GLYATL2: variants seen among roughly 807,000 people sequenced by gnomAD.
GLYATL2 encodes glycine-N-acyltransferase like 2, also known as glycine N-acyltransferase-like protein 2.
In GLYATL2, 25 loss-of-function variants were observed where a neutral mutation model predicts 21.4. The observed-to-expected ratio is 1.17, with a 90% confidence interval of 0.85 to 1.63. The LOEUF is 1.63. Ranked by LOEUF, GLYATL2 falls within the 40% of genes most tolerant of loss-of-function variation. The pLI, the probability that GLYATL2 is intolerant of heterozygous loss-of-function variation, is 0.00. For synonymous variants in GLYATL2, 114 were observed against 118.2 expected, an observed-to-expected ratio of 0.96 and a Z score of 0.23; for missense variants, 361 against 343.3, an observed-to-expected ratio of 1.05 and a Z score of -0.41.
intron 1 of GLYATL2, among the ~76,000 whole-genome samples, chr11:58,866,780 C>T (rs1381892820): frequency 1.3e-5 from 2 of 149,054 alleles, no homozygotes; most frequent in Non-Finnish European, 3.0e-5. Context: ...CTCAAGGTAA[C>T]TTTAAAAGAA....
chr11:58,904,472 C>A (rs141821098), upstream of GLYATL2, among the ~76,000 whole-genome samples: 3 of 152,308 alleles, frequency 2.0e-5, no homozygotes, highest in African/African-American at 7.2e-5. Flanking sequence ...CAGAAACTTT[C>A]GACAATACTA....
intron 1 of GLYATL2, among the ~76,000 whole-genome samples, chr11:58,895,504 C>T (rs1214417426): frequency 6.6e-6 from 1 of 152,156 alleles, no homozygotes; most frequent in African/African-American, 2.4e-5. Flanking sequence ...CTTCTCATTC[C>T]TCTTTTCTCA....
At chr11:58,857,667 G>T (rs541052567) in intron 1 of GLYATL2, among the ~76,000 whole-genome samples, 1 of 152,150 alleles carries the variant, frequency 6.6e-6, no homozygotes, top group South Asian at 2.1e-4. Context: ...AGGCCATTTT[G>T]CTCTTTCATC....
chr11:58,861,591 T>C (rs1853932800), intron 1 of GLYATL2, among the ~76,000 whole-genome samples: 1 of 151,994 alleles, frequency 6.6e-6, no homozygotes, highest in Admixed American at 6.5e-5. Flanking sequence ...TATTTTTTCC[T>C]TCATTCTATT....
chr11:58,891,056 T>G (rs908438473), intron 1 of GLYATL2, among the ~76,000 whole-genome samples: 3 of 152,196 alleles, frequency 2.0e-5, no homozygotes, highest in African/African-American at 7.2e-5. Context: ...CCTTTAAAAT[T>G]GAGTCTTTTA....
At chr11:58,865,661 C>G (rs1854010753) in intron 1 of GLYATL2, among the ~76,000 whole-genome samples, 1 of 148,958 alleles carries the variant, frequency 6.7e-6, no homozygotes. Flanking sequence ...AACCTCCTAT[C>G]TGATTTTCCT....
At chr11:58,907,790 G>A (rs1424782951), upstream of GLYATL2, 2 of 183,578 alleles carry the variant, frequency 1.1e-5, no homozygotes, top group Admixed American at 5.5e-5. Flanking sequence ...TATTTTACAT[G>A]GAAACCATTT....
At chr11:58,851,172 C>T (rs1853734565) in intron 1 of GLYATL2, among the ~76,000 whole-genome samples, 1 of 152,136 alleles carries the variant, frequency 6.6e-6, no homozygotes, top group Non-Finnish European at 1.5e-5. Context: ...CATTCGGGGC[C>T]ACTACTGGTC....
upstream of GLYATL2, among the ~76,000 whole-genome samples, chr11:58,905,117 C>T (rs1854831419): frequency 6.6e-6 from 1 of 152,346 alleles, no homozygotes; most frequent in African/African-American, 2.4e-5. Context: ...GGAAACAGGC[C>T]TAAATACTCT....
intron 1 of GLYATL2, among the ~76,000 whole-genome samples, chr11:58,898,692 G>C (rs188844956): frequency 6.6e-6 from 1 of 151,456 alleles, no homozygotes; most frequent in East Asian, 1.9e-4. Flanking sequence ...AAAATTAGCC[G>C]GGCGTTGTGG....
At chr11:58,903,799 A>C (rs1445882199) in intron 1 of GLYATL2, among the ~76,000 whole-genome samples, 1 of 152,130 alleles carries the variant, frequency 6.6e-6, no homozygotes, top group Non-Finnish European at 1.5e-5. Flanking sequence ...TTCTCTCCCA[A>C]GTTCAGCCTC....
chr11:58,857,584 T>C (rs1853852236), intron 1 of GLYATL2, among the ~76,000 whole-genome samples: 1 of 152,184 alleles, frequency 6.6e-6, no homozygotes, highest in South Asian at 2.1e-4. Context: ...TCACCTCCTT[T>C]CCAGGACACA....
intron 1 of GLYATL2, among the ~76,000 whole-genome samples, chr11:58,887,358 A>G (rs914293253): frequency 1.3e-5 from 2 of 152,218 alleles, no homozygotes; most frequent in South Asian, 2.1e-4. Context: ...AGTCAATTCA[A>G]TTTTGAGTAA....
chr11:58,904,621 G>A (rs1455446711), upstream of GLYATL2, among the ~76,000 whole-genome samples: 1 of 152,202 alleles, frequency 6.6e-6, no homozygotes, highest in Non-Finnish European at 1.5e-5. Context: ...GATGATTCAA[G>A]AATAACAGCG....
At chr11:58,886,084 T>C (rs560113866) in intron 1 of GLYATL2, among the ~76,000 whole-genome samples, 1 of 152,178 alleles carries the variant, frequency 6.6e-6, no homozygotes, top group East Asian at 1.9e-4. Context: ...GGCATGGTGG[T>C]ACATGTTTAT....
chr11:58,897,493 A>G (rs899557507), intron 1 of GLYATL2, among the ~76,000 whole-genome samples: 1 of 152,132 alleles, frequency 6.6e-6, no homozygotes, highest in Non-Finnish European at 1.5e-5. Context: ...AGGCCTAGAG[A>G]TCACAGCACC....
At chr11:58,847,944 G>A (rs1431536532), upstream of GLYATL2, among the ~76,000 whole-genome samples, 4 of 150,696 alleles carry the variant, frequency 2.7e-5, no homozygotes, top group Non-Finnish European at 5.9e-5. Flanking sequence ...GGCCACAGGA[G>A]TGCTTATGTC....
chr11:58,898,996 CAG>C (rs1854685151), intron 1 of GLYATL2, among the ~76,000 whole-genome samples: 1 of 152,090 alleles, frequency 6.6e-6, no homozygotes, highest in African/African-American at 2.4e-5. Context: ...CTTTTACACT[CAG>C]GGGACTGATG....
chr11:58,836,247 T>A (rs1211111939), intron 5 of GLYATL2, among the ~76,000 whole-genome samples: 1 of 152,190 alleles, frequency 6.6e-6, no homozygotes, highest in African/African-American at 2.4e-5. Context: ...CATGTAGCAA[T>A]CTATTTTGGA....
Sources: gnomAD v4.1 joint callset for allele counts (sites outside exome capture counted in the v4.1 genomes callset) on GRCh38, gnomAD v4.1.1 for gene constraint, MANE v1.5 for transcripts, NCBI Gene and HGNC (gene_info 2026-07-23, HGNC 2026-07-21) for gene names.